MESP1: variants seen among roughly 807,000 people sequenced by gnomAD.
MESP1 encodes mesoderm posterior bHLH transcription factor 1, also known as mesoderm posterior protein 1.
Under a neutral mutation model 15.2 loss-of-function variants are expected in MESP1, and 22 were observed. The ratio of observed to expected loss-of-function variants is 1.45; its 90% CI spans 1.04 to 2.07. The LOEUF is 2.07. Ranked by LOEUF, MESP1 falls within the 30% of genes most tolerant of loss-of-function variation. The pLI is 0.00. For missense variants in MESP1, 484 were observed against 411.9 expected (o/e 1.17, Z -1.51); for synonymous variants, 216 against 192.6 (o/e 1.12, Z -1.01).
At chr15:89,740,239 T>C in the MESP1 span, among the ~76,000 whole-genome samples, 3 of 152,190 alleles carry the variant, frequency 2.0e-5, no homozygotes, top group Non-Finnish European at 4.4e-5. Context: ...TACCACTAGG[T>C]GGCACCATAG....
chr15:89,746,267 C>T (rs565579290), downstream of MESP1, among the ~76,000 whole-genome samples: 4 of 150,040 alleles, frequency 2.7e-5, no homozygotes, highest in East Asian at 2.0e-4. Flanking sequence ...CACCTCCACA[C>T]GTCCATGCAG....
chr15:89,738,033 C>G, the MESP1 span: 1 of 1,601,368 alleles, frequency 6.2e-7, no homozygotes, highest in Non-Finnish European at 8.5e-7. Context: ...GTTCTTGTCT[C>G]GTCACAGGAG....
chr15:89,740,562 C>A, the MESP1 span, among the ~76,000 whole-genome samples: 1 of 152,156 alleles, frequency 6.6e-6, no homozygotes, highest in African/African-American at 2.4e-5. Flanking sequence ...AGTGCACTGG[C>A]GCGATCTCGG....
At chr15:89,735,658 G>A in the MESP1 span, 51 of 1,157,600 alleles carry the variant, frequency 4.4e-5, 1 homozygote, top group Non-Finnish European at 5.9e-5. Context: ...CCTGTTATGT[G>A]TTAGGCACTG....
At chr15:89,747,032 C>CCACACACACATGCGCATG (rs1450465202), downstream of MESP1, among the ~76,000 whole-genome samples, 3 of 130,198 alleles carry the variant, frequency 2.3e-5, no homozygotes, top group African/African-American at 9.1e-5. Flanking sequence ...CACAGCCCCA[C>CCACACACACATGCGCATG]CACACACACA....
the MESP1 span, among the ~76,000 whole-genome samples, chr15:89,737,197 T>G: frequency 1.3e-5 from 2 of 152,156 alleles, no homozygotes; most frequent in South Asian, 2.1e-4. Flanking sequence ...GAGGGGCTGT[T>G]AGATTGAGCA....
chr15:89,740,495 TTTTTTG>T, the MESP1 span, among the ~76,000 whole-genome samples: 9 of 151,826 alleles, frequency 5.9e-5, no homozygotes, highest in Admixed American at 2.0e-4. Context: ...AGGGTTTTTG[TTTTTTG>T]TTTTTGTTTT....
chr15:89,743,391 A>T, the MESP1 span: 19 of 1,613,980 alleles, frequency 1.2e-5, no homozygotes, highest in Non-Finnish European at 1.5e-5. Flanking sequence ...TCAAGAAGTG[A>T]GGCTGCCACC....
the MESP1 span, among the ~76,000 whole-genome samples, chr15:89,741,970 A>G: frequency 1.3e-5 from 2 of 152,142 alleles, no homozygotes; most frequent in African/African-American, 2.4e-5. Context: ...CCAGGATGGT[A>G]TCGATCTCTT....
At chr15:89,740,875 C>T in the MESP1 span, among the ~76,000 whole-genome samples, 14 of 152,054 alleles carry the variant, frequency 9.2e-5, no homozygotes, top group African/African-American at 3.4e-4. Flanking sequence ...CGCGGTGGCT[C>T]ACACCTGTAA....
downstream of MESP1, among the ~76,000 whole-genome samples, chr15:89,747,956 G>T (rs1170940354): frequency 6.6e-6 from 1 of 152,176 alleles, no homozygotes; most frequent in African/African-American, 2.4e-5. Flanking sequence ...GGATGCTGGA[G>T]CAGTGGGAGA....
chr15:89,740,851 T>C, the MESP1 span, among the ~76,000 whole-genome samples: 3 of 152,110 alleles, frequency 2.0e-5, no homozygotes, highest in South Asian at 2.1e-4. Context: ...TTAAAAAGTG[T>C]TAAATTGGCC....
At chr15:89,734,799 A>G in the MESP1 span, among the ~76,000 whole-genome samples, 3 of 152,180 alleles carry the variant, frequency 2.0e-5, no homozygotes, top group Non-Finnish European at 4.4e-5. Context: ...AGCCTGGGTA[A>G]CATAGTGAGA....
At chr15:89,733,147 G>T in the MESP1 span, 3 of 1,614,016 alleles carry the variant, frequency 1.9e-6, no homozygotes, top group African/African-American at 2.7e-5. Flanking sequence ...GTGGTGCTGT[G>T]CACAGACGCC....
At chr15:89,746,933 C>CCACACACA (rs56364935), downstream of MESP1, among the ~76,000 whole-genome samples, 30 of 106,642 alleles carry the variant, frequency 2.8e-4, no homozygotes, top group Non-Finnish European at 4.6e-4. Flanking sequence ...AGCCCCACCT[C>CCACACACA]CACACACACA....
the MESP1 span, chr15:89,743,606 G>A: frequency 1.7e-6 from 1 of 579,946 alleles, no homozygotes. Flanking sequence ...AGGCAGATGT[G>A]TCACCCAAAT....
At chr15:89,740,650 C>A in the MESP1 span, among the ~76,000 whole-genome samples, 4 of 151,902 alleles carry the variant, frequency 2.6e-5, no homozygotes, top group South Asian at 8.3e-4. Context: ...TACAGGCATG[C>A]GCCACCACGC....
At chr15:89,733,070 A>G in the MESP1 span, 2 of 1,613,982 alleles carry the variant, frequency 1.2e-6, no homozygotes, top group Non-Finnish European at 1.7e-6. Flanking sequence ...ACTTCCTAAA[A>G]TATTTCTCGG....
chr15:89,743,545 T>C, the MESP1 span: 1 of 673,740 alleles, frequency 1.5e-6, no homozygotes, highest in Non-Finnish European at 2.5e-6. Flanking sequence ...AGGGGAAAAG[T>C]ATAATCTGGG....
Sources: gnomAD v4.1 joint callset for allele counts (sites outside exome capture counted in the v4.1 genomes callset) on GRCh38, gnomAD v4.1.1 for gene constraint, MANE v1.5 for transcripts, NCBI Gene and HGNC (gene_info 2026-07-23, HGNC 2026-07-21) for gene names.